Variants in IL34 observed in about 807,000 individuals in gnomAD.
The protein encoded by IL34 is interleukin-34.
Under a neutral mutation model 25.3 loss-of-function variants are expected in IL34, and 17 were observed. The observed-to-expected ratio is 0.67, with a 90% CI of 0.46 to 1.01. The LOEUF is 1.01. Among genes scored for constraint, IL34 ranks in the 50% least tolerant of loss-of-function variants. The pLI is 0.00. For missense variants in IL34, 368 were observed against 312.9 expected (o/e 1.18, Z -1.33); for synonymous variants, 174 against 140.9 (o/e 1.23, Z -1.66).
At chr16:70,620,133 G>A (rs565753286) in intron 1 of IL34, among the ~76,000 whole-genome samples, 11 of 152,224 alleles carry the variant, frequency 7.2e-5, no homozygotes, top group East Asian at 5.8e-4. Flanking sequence ...AATTTTTGGA[G>A]TTTTATTTAA....
intron 1 of IL34, among the ~76,000 whole-genome samples, chr16:70,587,953 C>T (rs1247357384): frequency 6.6e-6 from 1 of 152,020 alleles, no homozygotes; most frequent in Non-Finnish European, 1.5e-5. Flanking sequence ...GAATGAGAAT[C>T]ACTTGAACCC....
intron 1 of IL34, among the ~76,000 whole-genome samples, chr16:70,586,018 G>C (rs914062476): frequency 6.6e-6 from 1 of 151,786 alleles, no homozygotes; most frequent in African/African-American, 2.4e-5. Flanking sequence ...ATTTTTAGTA[G>C]AGACAGTGTT....
chr16:70,650,909 G>A (rs2052061617), intron 1 of IL34, among the ~76,000 whole-genome samples: 2 of 152,216 alleles, frequency 1.3e-5, no homozygotes, highest in African/African-American at 4.8e-5. Flanking sequence ...GCTGGGCTGT[G>A]CAGTGTTTAA....
intron 1 of IL34, among the ~76,000 whole-genome samples, chr16:70,620,885 GGGA>G (rs961887201): frequency 6.6e-6 from 1 of 152,098 alleles, no homozygotes; most frequent in Non-Finnish European, 1.5e-5. Context: ...CACAGGCTAA[GGGA>G]GAAGAAGGAG....
At chr16:70,646,149 A>G (rs576894907), upstream of IL34, among the ~76,000 whole-genome samples, 4 of 151,966 alleles carry the variant, frequency 2.6e-5, no homozygotes, top group East Asian at 1.9e-4. Context: ...GGCTCACGCA[A>G]TCCTCCCACC....
rs778147033 is a variant in IL34, at chr16:70,595,151, G to A, written c.-401+15102G>A. On this transcript the variant is annotated intron_variant, in intron 1 of 6. Transcript: ENST00000429149. ...TTTTCTGGTATTTTTAGTAGAGATG[G>A]GGTTTTGCCATGTTGGCCAGGCTGG... Among the ~76,000 whole-genome samples, 16 of 152,072 alleles carry A rather than the reference G, an allele frequency of 1.1e-4. No individual in the cohort carries two copies. The South Asian group carries it at 1.5e-3, about 14-fold the overall frequency.
chr16:70,653,840 C>CT (rs1324411475), intron 1 of IL34, among the ~76,000 whole-genome samples: 3 of 152,216 alleles, frequency 2.0e-5, no homozygotes, highest in Non-Finnish European at 2.9e-5. Context: ...GAATTCTCTC[C>CT]TTTTTTTCTG....
At chr16:70,650,468 C>G (rs1161195723) in intron 1 of IL34, among the ~76,000 whole-genome samples, 1 of 152,176 alleles carries the variant, frequency 6.6e-6, no homozygotes, top group African/African-American at 2.4e-5. Context: ...GAGGCCACAG[C>G]TGCCGGGTCC....
chr16:70,583,049 T>C (rs549251506), intron 1 of IL34, among the ~76,000 whole-genome samples: 2 of 152,172 alleles, frequency 1.3e-5, no homozygotes, highest in South Asian at 4.1e-4. Flanking sequence ...GATACGATTT[T>C]GAAGAACTTC....
At chr16:70,632,919 T>C (rs1231348867) in intron 1 of IL34, among the ~76,000 whole-genome samples, 1 of 152,196 alleles carries the variant, frequency 6.6e-6, no homozygotes, top group Admixed American at 6.5e-5. Flanking sequence ...ATTGTTAAAA[T>C]TGGAGTATAA....
At chr16:70,648,891 A>G (rs1332457260) in intron 1 of IL34, among the ~76,000 whole-genome samples, 1 of 152,124 alleles carries the variant, frequency 6.6e-6, no homozygotes, top group East Asian at 1.9e-4. Flanking sequence ...TGCCTCTTCC[A>G]GCTCCTGGTG....
intron 1 of IL34, among the ~76,000 whole-genome samples, chr16:70,590,101 G>A (rs747967649): frequency 6.6e-6 from 1 of 152,168 alleles, no homozygotes; most frequent in Non-Finnish European, 1.5e-5. Context: ...GGGGAGGGGC[G>A]TCTGTGTCCC....
intron 1 of IL34, among the ~76,000 whole-genome samples, chr16:70,637,798 GA>G (rs1567457270): frequency 6.6e-5 from 10 of 152,120 alleles, no homozygotes. Context: ...TGGGAGGTTT[GA>G]TTCTCATAGT....
intron 1 of IL34, among the ~76,000 whole-genome samples, chr16:70,612,614 T>C (rs1176662876): frequency 6.6e-6 from 1 of 152,228 alleles, no homozygotes; most frequent in Non-Finnish European, 1.5e-5. Flanking sequence ...GAAAAGAAAG[T>C]GCTTGTTAAC....
At chr16:70,605,763 C>T (rs1394538941) in intron 1 of IL34, among the ~76,000 whole-genome samples, 2 of 151,948 alleles carry the variant, frequency 1.3e-5, no homozygotes, top group African/African-American at 2.4e-5. Context: ...ATCTGCCTCC[C>T]GGGTTCAAGC....
Position 70,584,164 on chromosome 16 carries a change from C to G in IL34, c.-401+4115C>G, listed in dbSNP as rs550323004. On this transcript the variant is annotated intron_variant, in intron 1 of 6. Transcript: ENST00000429149. ...ATGGAAGTCTGAGAACTATGGCCTC[C>G]AGGTGTGGGACGATCCTAGGGTGGT... is the stretch of plus-strand genomic sequence containing the variant. Among the ~76,000 whole-genome samples, 111 of 152,334 alleles carry G rather than the reference C, an allele frequency of 7.3e-4. 3 individuals carry two copies. In the South Asian group the frequency reaches 0.022, roughly 30 times the overall value.
At chr16:70,619,182 A>G (rs2051224856) in intron 1 of IL34, among the ~76,000 whole-genome samples, 1 of 152,172 alleles carries the variant, frequency 6.6e-6, no homozygotes, top group African/African-American at 2.4e-5. Flanking sequence ...AACAGGCTTT[A>G]ATCTTTTTAA....
intron 1 of IL34, among the ~76,000 whole-genome samples, chr16:70,598,215 A>ACTCAT (rs2050853411): frequency 1.3e-5 from 2 of 152,044 alleles, no homozygotes; most frequent in Non-Finnish European, 2.9e-5. Flanking sequence ...TCTGCCCCCC[A>ACTCAT]GAACTTCCTG....
intron 1 of IL34, among the ~76,000 whole-genome samples, chr16:70,621,710 G>C (rs1433980009): frequency 1.3e-5 from 2 of 152,122 alleles, no homozygotes; most frequent in African/African-American, 4.8e-5. Context: ...CGAAAAGAGA[G>C]TCAGTGAAGG....
Sources: gnomAD v4.1 joint callset for allele counts (sites outside exome capture counted in the v4.1 genomes callset) on GRCh38, gnomAD v4.1.1 for gene constraint, MANE v1.5 for transcripts, NCBI Gene and HGNC (gene_info 2026-07-23, HGNC 2026-07-21) for gene names.